The following S100PBP variants were observed in gnomAD, a reference collection of about 807,000 sequenced individuals.
S100PBP encodes S100P-binding protein.
In S100PBP, 15 loss-of-function variants were observed where a neutral mutation model predicts 39.9. That is an observed-to-expected ratio of 0.38 (90% CI 0.25 to 0.58). The LOEUF (loss-of-function observed/expected upper bound fraction) is 0.58. S100PBP is among the 20% of genes least tolerant of loss of function. S100PBP has a pLI of 0.70. For missense variants in S100PBP, 504 were observed against 487.3 expected, an observed-to-expected ratio of 1.03 and a Z score of -0.32; for synonymous variants, 178 against 180.3, an observed-to-expected ratio of 0.99 and a Z score of 0.10.
At chr1:32,828,678 T>G (rs141625015) in intron 4 of S100PBP, among the ~76,000 whole-genome samples, 22 of 152,248 alleles carry the variant, frequency 1.4e-4, no homozygotes, top group Non-Finnish European at 8.8e-5. Context: ...TTCTTTTGAT[T>G]ATACATTTAT....
chr1:32,838,958 C>T (rs1023127979), intron 5 of S100PBP, among the ~76,000 whole-genome samples: 1 of 152,030 alleles, frequency 6.6e-6, no homozygotes. Flanking sequence ...ACATCTGAAG[C>T]TTTGTTTTTT....
At chr1:32,840,067 C>A (rs953531805) in intron 5 of S100PBP, among the ~76,000 whole-genome samples, 1 of 152,130 alleles carries the variant, frequency 6.6e-6, no homozygotes, top group African/African-American at 2.4e-5. Flanking sequence ...TCACTGCAAC[C>A]TCTGCCTCCC....
At chr1:32,817,069 G>A (rs1638764623), upstream of S100PBP, 2 of 1,308,522 alleles carry the variant, frequency 1.5e-6, no homozygotes, top group East Asian at 2.3e-5. Context: ...GGCTCTCTCA[G>A]AGCTGCGCCA....
At chr1:32,817,588 G>T (rs1029155443), upstream of S100PBP, 2 of 469,980 alleles carry the variant, frequency 4.3e-6, no homozygotes, top group Non-Finnish European at 7.8e-6. Context: ...GTGTTGGCCC[G>T]GCTGACTCGG....
chr1:32,826,039 C>A, intron 2 of S100PBP, 59 bp from the exon 3 acceptor site: 1 of 1,183,028 alleles, frequency 8.5e-7, no homozygotes. Context: ...ATATAGTGGA[C>A]TGGAGTTGGT....
chr1:32,840,696 A>G (rs2787120), intron 5 of S100PBP, among the ~76,000 whole-genome samples: 20,867 of 152,064 alleles, frequency 0.14, 1,781 homozygotes, highest in South Asian at 0.23. Context: ...TAATGGGTGT[A>G]AAGTGGTCAG....
At chr1:32,821,875 G>A (rs1400789283) in intron 1 of S100PBP, among the ~76,000 whole-genome samples, 1 of 152,078 alleles carries the variant, frequency 6.6e-6, no homozygotes, top group Non-Finnish European at 1.5e-5. Flanking sequence ...CTGGCCTCAA[G>A]TGATCCGCCC....
chr1:32,850,972 G>A (rs879431802), intron 5 of S100PBP, among the ~76,000 whole-genome samples: 2 of 152,172 alleles, frequency 1.3e-5, no homozygotes, highest in African/African-American at 2.4e-5. Context: ...CTGCACACAC[G>A]CTGTGTGCCA....
chr1:32,828,121 T>C (rs780077476), intron 4 of S100PBP, 40 bp downstream of exon 4: 4 of 1,397,682 alleles, frequency 2.9e-6, no homozygotes, highest in Non-Finnish European at 4.0e-6. Flanking sequence ...TTTATTTTGG[T>C]TCTCTTCAAT....
intron 5 of S100PBP, among the ~76,000 whole-genome samples, chr1:32,834,516 T>G (rs1002297608): frequency 2.6e-5 from 4 of 152,202 alleles, no homozygotes; most frequent in Non-Finnish European, 5.9e-5. Context: ...ATTAAGTGTT[T>G]TTGGCAGGGA....
At chr1:32,816,786 T>C, upstream of S100PBP, 1 of 233,656 alleles carries the variant, frequency 4.3e-6, no homozygotes, top group Admixed American at 5.0e-5. Flanking sequence ...CCTTTAAAGC[T>C]CCCAGTATAG....
chr1:32,843,159 T>C (rs1212403873), intron 5 of S100PBP: 1 of 152,240 alleles, frequency 6.6e-6, no homozygotes, highest in Non-Finnish European at 1.5e-5. Context: ...TTTTAGTAAC[T>C]TTTTAATAGA....
chr1:32,856,028 C>A lies in S100PBP; in HGVS notation c.1217C>A (p.Ser406Ter). ...CGGTTCCAGCGTCTCCCAGACTTCT[C>A]GTACAGTTAATTTGTGTCATCCCAT... The part of the protein sequence containing the change: ...HHRFQRLPDF[S>*]YS The change falls in exon 7 of 7, where the codon TCG becomes TAG. Residue 406 changes from serine to a stop codon, truncating the protein, a stop_gained. Coordinates refer to ENST00000373475, the MANE Select transcript of S100PBP (RefSeq NM_022753.4). LOFTEE classifies it high-confidence loss of function. The A allele has an allele frequency of 6.2e-7, 1 of 1,610,130 alleles. No homozygotes were observed. Among genetic ancestry groups the A allele is most frequent in the South Asian group, 1.1e-5 (1 of 90,948 alleles).
upstream of S100PBP, chr1:32,817,582 T>C (rs997296611): frequency 1.3e-5 from 6 of 474,912 alleles, no homozygotes; most frequent in East Asian, 1.8e-4. Flanking sequence ...CCCCTGGTGT[T>C]GGCCCGGCTG....
intron 1 of S100PBP, among the ~76,000 whole-genome samples, chr1:32,821,162 G>A (rs187829176): frequency 3.2e-4 from 48 of 151,980 alleles, no homozygotes; most frequent in African/African-American, 1.1e-3. Context: ...AACATTGGCC[G>A]GGCGCGGTGG....
intron 5 of S100PBP, among the ~76,000 whole-genome samples, chr1:32,844,231 T>C (rs532956901): frequency 1.2e-4 from 18 of 152,210 alleles, no homozygotes; most frequent in African/African-American, 3.1e-4. Flanking sequence ...TTTGTATTTT[T>C]AGCAGAGGTG....
At chr1:32,825,916 C>G (rs1179699850) in intron 2 of S100PBP, among the ~76,000 whole-genome samples, 182 bp from the exon 3 acceptor site, 1 of 152,206 alleles carries the variant, frequency 6.6e-6, no homozygotes, top group Non-Finnish European at 1.5e-5. Flanking sequence ...GCAAAAGTAT[C>G]TCATTGTTCT....
At chr1:32,852,837 T>C (rs1054635138) in intron 5 of S100PBP, 13 of 459,746 alleles carry the variant, frequency 2.8e-5, no homozygotes, top group African/African-American at 4.0e-5. Flanking sequence ...AAGTTCCCTG[T>C]ATATTGTAGG....
chr1:32,836,645 C>A, intron 5 of S100PBP: 1 of 875,302 alleles, frequency 1.1e-6, no homozygotes, highest in Non-Finnish European at 1.4e-6. Flanking sequence ...AGAGCTTTTT[C>A]CTAGAGCCTT....
Sources: allele counts gnomAD v4.1 joint callset (sites outside exome capture counted in the v4.1 genomes callset), GRCh38; gene constraint gnomAD v4.1.1; transcripts MANE v1.5; gene names NCBI Gene and HGNC (gene_info 2026-07-23, HGNC 2026-07-21).